The following TRMT2B variants were observed in gnomAD, a reference collection of about 807,000 sequenced individuals.
The protein encoded by TRMT2B is tRNA methyltransferase 2B.
Under a neutral mutation model 39.7 loss-of-function variants are expected in TRMT2B, and 34 were observed. The ratio of observed to expected loss-of-function variants is 0.86; its 90% CI spans 0.65 to 1.14. The LOEUF is 1.14. Among genes scored for constraint, TRMT2B ranks in the 50% most tolerant of loss-of-function variants. TRMT2B has a pLI of 0.00. For synonymous variants in TRMT2B, 132 were observed against 137.3 expected (o/e 0.96, Z 0.27); for missense variants, 318 against 377.2 (o/e 0.84, Z 1.30).
the TRMT2B span, among the ~76,000 whole-genome samples, chrX:100,993,127 G>C: frequency 8.9e-6 from 1 of 112,084 alleles, no homozygotes; most frequent in Non-Finnish European, 1.9e-5. Flanking sequence ...ACCTTACAGA[G>C]CCTCTGGTCC....
At chrX:100,987,215 T>C in the TRMT2B span, among the ~76,000 whole-genome samples, 1 of 112,113 alleles carries the variant, frequency 8.9e-6, no homozygotes, top group Non-Finnish European at 1.9e-5. Flanking sequence ...AGATTTTATG[T>C]CTGTCATTTG....
Position 101,051,312 on chromosome X carries a change from T to G in TRMT2B, c.-85A>C, listed in dbSNP as rs935224938. The G allele has an allele frequency of 2.7e-6, 2 of 753,867 alleles. No individual in the cohort carries two copies. Among genetic ancestry groups the G allele is most frequent in the South Asian group, 1.4e-4 (2 of 14,782 alleles). The allele number at this position is 753,867 out of a possible 1,213,427, so 62.1% of individuals were successfully genotyped here. ...TTCACCCACCGACAAGGGTCCTGCT[T>G]GCACTCTCTGCTCACCCTTCCTTCA... is the stretch of plus-strand genomic sequence containing the variant. On this transcript the variant is annotated 5_prime_UTR_variant, in exon 2 of 14. Coordinates refer to ENST00000372936, the MANE Select transcript of TRMT2B (RefSeq NM_024917.6).
intron 13 of TRMT2B, among the ~76,000 whole-genome samples, chrX:101,015,339 T>C (rs975038217): frequency 8.9e-6 from 1 of 111,845 alleles, no homozygotes; most frequent in Admixed American, 9.6e-5. Flanking sequence ...TTTCCATCCA[T>C]AGGGATAGCA....
intron 2 of TRMT2B, among the ~76,000 whole-genome samples, chrX:101,045,507 C>T (rs1312987848): frequency 2.8e-5 from 3 of 107,073 alleles, no homozygotes; most frequent in Non-Finnish European, 5.8e-5. Flanking sequence ...TGGTGGCTCA[C>T]GCTTGTAATC....
At chrX:100,975,388 C>T in the TRMT2B span, among the ~76,000 whole-genome samples, 1 of 111,760 alleles carries the variant, frequency 8.9e-6, no homozygotes, top group Non-Finnish European at 1.9e-5. Flanking sequence ...GCCCTCCTTC[C>T]TCAGCTCCCA....
At chrX:100,977,084 C>T in the TRMT2B span, among the ~76,000 whole-genome samples, 1 of 111,506 alleles carries the variant, frequency 9.0e-6, no homozygotes, top group African/African-American at 3.3e-5. Context: ...TTATGAGATA[C>T]GTGAGATACG....
At chrX:100,982,649 CT>C in the TRMT2B span, among the ~76,000 whole-genome samples, 12,118 of 84,309 alleles carry the variant, frequency 0.14, 806 homozygotes, top group African/African-American at 0.19. Context: ...CTACAGTTTT[CT>C]TTTTTTTTTT....
the TRMT2B span, among the ~76,000 whole-genome samples, chrX:100,991,524 G>A: frequency 2.7e-5 from 3 of 110,489 alleles, no homozygotes; most frequent in African/African-American, 3.3e-5. Flanking sequence ...GACTACTGGC[G>A]CCCACCACCA....
chrX:100,996,299 C>T, the TRMT2B span, among the ~76,000 whole-genome samples: 4 of 111,677 alleles, frequency 3.6e-5, no homozygotes, highest in South Asian at 1.5e-3. Context: ...AAAGAGATGT[C>T]GGTTAATGAA....
At chrX:100,997,006 A>G in the TRMT2B span, among the ~76,000 whole-genome samples, 1 of 110,244 alleles carries the variant, frequency 9.1e-6, no homozygotes, top group South Asian at 3.7e-4. Flanking sequence ...GAAAGGAACT[A>G]GATTTTTTTT....
intron 2 of TRMT2B, among the ~76,000 whole-genome samples, chrX:101,048,450 CA>C (rs777930869): frequency 6.2e-4 from 61 of 98,383 alleles, no homozygotes; most frequent in Middle Eastern, 5.1e-3. Context: ...TCTTTGTTAC[CA>C]AAAAAAAAAA....
chrX:101,019,727 G>A (rs1278708735), intron 11 of TRMT2B, among the ~76,000 whole-genome samples: 6 of 107,722 alleles, frequency 5.6e-5, no homozygotes, highest in Admixed American at 3.1e-4. Context: ...TCCACCTCCC[G>A]GGTTCAAGCA....
At chrX:101,030,832 A>G (rs2087416027) in intron 7 of TRMT2B, among the ~76,000 whole-genome samples, 1 of 111,014 alleles carries the variant, frequency 9.0e-6, no homozygotes, top group African/African-American at 3.3e-5. Context: ...AGATTTGGAT[A>G]TAATTTTTTA....
intron 13 of TRMT2B, chrX:101,013,689 C>T (rs1322617000): frequency 9.4e-6 from 1 of 106,441 alleles, no homozygotes; most frequent in Non-Finnish European, 1.9e-5. Flanking sequence ...GAGGTGGAGG[C>T]TGTAGTGAGC....
At chrX:101,047,805 C>T (rs1236217683) in intron 2 of TRMT2B, among the ~76,000 whole-genome samples, 1 of 108,987 alleles carries the variant, frequency 9.2e-6, no homozygotes, top group East Asian at 2.9e-4. Flanking sequence ...CAGAACTGGG[C>T]GACAGAGCGA....
At chrX:101,021,650 C>CA (rs986080267) in intron 9 of TRMT2B, among the ~76,000 whole-genome samples, 25 of 110,208 alleles carry the variant, frequency 2.3e-4, no homozygotes, top group Admixed American at 4.8e-4. Flanking sequence ...AAAAGCAAAA[C>CA]AAAAAAAAGC....
chrX:101,048,660 G>A (rs914074686), intron 2 of TRMT2B, among the ~76,000 whole-genome samples: 5 of 111,738 alleles, frequency 4.5e-5, no homozygotes, highest in African/African-American at 9.8e-5. Context: ...CCCTGGTCTC[G>A]AACTCCTGAC....
At chrX:101,034,145 A>ATTT (rs59939763) in intron 7 of TRMT2B, among the ~76,000 whole-genome samples, 1 of 89,824 alleles carries the variant, frequency 1.1e-5, no homozygotes, top group African/African-American at 4.1e-5. Flanking sequence ...CCTGGCCTAC[A>ATTT]TTTTTTTTTT....
chrX:100,987,370 T>C, the TRMT2B span: 1 of 1,205,138 alleles, frequency 8.3e-7, no homozygotes, highest in Admixed American at 2.2e-5. Flanking sequence ...TCTGCAGCCT[T>C]CTCTTCTCTT....
Sources: gnomAD v4.1 joint callset for allele counts (sites outside exome capture counted in the v4.1 genomes callset) on GRCh38, gnomAD v4.1.1 for gene constraint, MANE v1.5 for transcripts, NCBI Gene and HGNC (gene_info 2026-07-23, HGNC 2026-07-21) for gene names.